The following TANGO6 variants were observed in gnomAD, a reference collection of about 807,000 sequenced individuals.
The protein encoded by TANGO6 is transport and Golgi organization protein 6 homolog.
Under a neutral mutation model 114.2 loss-of-function variants are expected in TANGO6, and 90 were observed. That is an observed-to-expected ratio of 0.79 (90% CI 0.66 to 0.94). The LOEUF is 0.94. TANGO6 is among the 40% of genes least tolerant of loss of function. The probability of loss-of-function intolerance (pLI) is 0.00; values close to 1 mark genes in which losing one functional copy is unlikely to be tolerated. For missense variants in TANGO6, 1,274 were observed against 1,315.3 expected (o/e 0.97, Z 0.49); for synonymous variants, 477 against 509.8 (o/e 0.94, Z 0.87).
At chr16:68,978,537 G>T (rs1167181484) in intron 15 of TANGO6, among the ~76,000 whole-genome samples, 1 of 152,112 alleles carries the variant, frequency 6.6e-6, no homozygotes, top group African/African-American at 2.4e-5. Context: ...TAGATGAAGT[G>T]GTGTGTTGAA....
Position 68,875,271 on chromosome 16 carries a change from A to G in TANGO6, c.1112A>G (p.Tyr371Cys), listed in dbSNP as rs1243965715. 18 of 1,613,270 alleles carry G rather than the reference A, an allele frequency of 1.1e-5. No individual in the cohort carries two copies. The highest frequency in any genetic ancestry group is 1.5e-5 in the Non-Finnish European group (18 of 1,179,518). Residue 371 changes from tyrosine to cysteine, a missense_variant, in exon 5 of 18, where the codon TAC becomes TGC. By Grantham distance (194) the Tyr-to-Cys change is radical. Around this residue, in one of 5 missense-constraint regions of TANGO6, gnomAD observed 908 missense variants for 910.2 expected, o/e 1.00. Transcript: ENST00000261778. Reference sequence around the variant, plus strand: ...CAGTCTCTTTCACCAGAGAATTACTACAGGGACATCTGCCCCCAGGTAAAT... The same window carrying G: ...CAGTCTCTTTCACCAGAGAATTACTGCAGGGACATCTGCCCCCAGGTAAAT... Reference protein sequence around the residue: ...PQQSLSPENYYRDICPQVLDL... With the variant: ...PQQSLSPENYCRDICPQVLDL...
At chr16:69,060,316 C>T (rs1310884892) in intron 17 of TANGO6, among the ~76,000 whole-genome samples, 1 of 152,142 alleles carries the variant, frequency 6.6e-6, no homozygotes, top group Non-Finnish European at 1.5e-5. Flanking sequence ...CTGCCCCCAG[C>T]CTCCATTCAC....
chr16:68,879,356 G>C (rs1000107734), intron 6 of TANGO6, among the ~76,000 whole-genome samples: 1 of 151,246 alleles, frequency 6.6e-6, no homozygotes, highest in Non-Finnish European at 1.5e-5. Flanking sequence ...GGTGGTGCAC[G>C]CCTGTATTCC....
At chr16:68,961,403 C>G (rs1963589596) in intron 14 of TANGO6, among the ~76,000 whole-genome samples, 1 of 152,210 alleles carries the variant, frequency 6.6e-6, no homozygotes, top group African/African-American at 2.4e-5. Context: ...CTCCGTTCCT[C>G]AACTCTTTGT....
intron 15 of TANGO6, among the ~76,000 whole-genome samples, chr16:69,016,783 C>A (rs1314532930): frequency 6.6e-6 from 1 of 152,136 alleles, no homozygotes; most frequent in Non-Finnish European, 1.5e-5. Flanking sequence ...CCTCAGCCTC[C>A]TGAGTAGCTG....
chr16:68,986,521 T>C (rs972004271), intron 15 of TANGO6, among the ~76,000 whole-genome samples: 3 of 152,048 alleles, frequency 2.0e-5, no homozygotes, highest in African/African-American at 7.2e-5. Flanking sequence ...ACTTTACCCC[T>C]TCAGTTCATC....
At chr16:69,001,660 T>A (rs1051280671) in intron 15 of TANGO6, among the ~76,000 whole-genome samples, 4 of 152,100 alleles carry the variant, frequency 2.6e-5, no homozygotes, top group African/African-American at 7.2e-5. Context: ...AAATCAAGGA[T>A]CCCATTTTTA....
intron 14 of TANGO6, among the ~76,000 whole-genome samples, chr16:68,971,772 C>T (rs1054960839): frequency 3.3e-5 from 5 of 151,866 alleles, no homozygotes; most frequent in African/African-American, 1.2e-4. Flanking sequence ...ACTGGGATTA[C>T]AGGTGCCCGA....
chr16:68,955,797 T>TA (rs1031288533), intron 14 of TANGO6, among the ~76,000 whole-genome samples: 11 of 152,038 alleles, frequency 7.2e-5, no homozygotes, highest in South Asian at 2.1e-4. Context: ...ACATATTCTA[T>TA]AAAAAAATAG....
chr16:69,039,202 A>G (rs1959736550), intron 16 of TANGO6, among the ~76,000 whole-genome samples: 1 of 151,160 alleles, frequency 6.6e-6, no homozygotes, highest in Non-Finnish European at 1.5e-5. Context: ...AAAATTAGGC[A>G]TGGTTGTGTG....
chr16:68,874,495 C>T (rs951614939), intron 4 of TANGO6, among the ~76,000 whole-genome samples: 11 of 152,068 alleles, frequency 7.2e-5, no homozygotes, highest in East Asian at 5.8e-4. Context: ...TGTCACTCTA[C>T]GGCTGTGGCT....
chr16:68,907,342 C>G, intron 9 of TANGO6, 101 bp from the exon 10 acceptor site: 1 of 1,240,674 alleles, frequency 8.1e-7, no homozygotes, highest in Non-Finnish European at 1.1e-6. Flanking sequence ...TAATGGTTAA[C>G]TGTTTGGACA....
Position 68,927,822 on chromosome 16 carries a change from C to T in TANGO6, c.2382C>T (p.His794=). ...HERPTDVAHS[H]LEQQQSHETA... is the part of the protein sequence containing the mutation. ...GACCCACTGATGTAGCTCATAGCCA[C>T]CTTGAACAACAGCAGAGCCATGAGA... The change falls in exon 13 of 18, where the codon CAC becomes CAT. Residue 794 remains histidine, a synonymous_variant. Transcript: ENST00000261778. 6.2e-7 allele frequency: 1 copy of T among 1,614,010 alleles called. No homozygotes were observed. Among genetic ancestry groups the T allele is most frequent in the Non-Finnish European group, 8.5e-7 (1 of 1,179,904 alleles).
intron 9 of TANGO6, among the ~76,000 whole-genome samples, chr16:68,905,374 A>G (rs982460989): frequency 6.6e-6 from 1 of 151,438 alleles, no homozygotes; most frequent in South Asian, 2.1e-4. Context: ...TGTCTCTACT[A>G]AAAATACAAA....
At chr16:68,971,174 A>G (rs1340226909) in intron 14 of TANGO6, among the ~76,000 whole-genome samples, 1 of 151,648 alleles carries the variant, frequency 6.6e-6, no homozygotes, top group African/African-American at 2.4e-5. Context: ...AAAGAAAGTT[A>G]TGATAGCTGC....
chr16:69,041,203 T>A (rs1959767967), intron 17 of TANGO6, among the ~76,000 whole-genome samples: 1 of 151,994 alleles, frequency 6.6e-6, no homozygotes, highest in Non-Finnish European at 1.5e-5. Context: ...TCCCAGCACT[T>A]TAGGAGGCCG....
At chr16:68,863,158 T>C (rs1467657016) in intron 3 of TANGO6, 97 bp downstream of exon 3, 1 of 695,852 alleles carries the variant, frequency 1.4e-6, no homozygotes, top group East Asian at 2.8e-5. Context: ...GTTCCCTGTT[T>C]AATGATCTAG....
intron 7 of TANGO6, among the ~76,000 whole-genome samples, chr16:68,895,784 ATAGC>A (rs1962695880): frequency 6.6e-6 from 1 of 152,216 alleles, no homozygotes; most frequent in African/African-American, 2.4e-5. Flanking sequence ...ATTAGGATGC[ATAGC>A]TGTGCTTAAG....
chr16:68,956,128 G>T (rs536369032), intron 14 of TANGO6, among the ~76,000 whole-genome samples: 20 of 152,156 alleles, frequency 1.3e-4, no homozygotes, highest in Admixed American at 4.6e-4. Context: ...TCCAGCCTGC[G>T]CAATGGGGTG....
Sources: allele counts gnomAD v4.1 joint callset (sites outside exome capture counted in the v4.1 genomes callset), GRCh38; gene constraint gnomAD v4.1.1; regional missense constraint gnomAD v4.1.1; transcripts MANE v1.5; gene names NCBI Gene and HGNC (gene_info 2026-07-23, HGNC 2026-07-21).